The following PDPN variants were observed in gnomAD, a reference collection of about 807,000 sequenced individuals.
PDPN encodes the protein PA2.26 antigen.
In PDPN, 12 loss-of-function variants were observed where a neutral mutation model predicts 23.2. That is an observed-to-expected ratio of 0.52 (90% confidence interval 0.33 to 0.84). The LOEUF is 0.84. Ranked by LOEUF, PDPN falls within the 40% of genes least tolerant of loss-of-function variation. The pLI, the probability that PDPN is intolerant of heterozygous loss-of-function variation, is 0.02. For missense variants in PDPN, 199 were observed against 212.2 expected (o/e 0.94, Z 0.39); for synonymous variants, 77 against 76.7 (o/e 1.00, Z -0.02).
At chr1:13,613,549 A>G in intron 3 of PDPN, 138 bp from the exon 4 acceptor site, 3 of 638,976 alleles carry the variant, frequency 4.7e-6, no homozygotes, top group Non-Finnish European at 8.4e-6. Flanking sequence ...AAATCCCTGG[A>G]TCCAATTTAT....
chr1:13,605,546 A>T (rs1640761774), intron 1 of PDPN, among the ~76,000 whole-genome samples: 1 of 152,214 alleles, frequency 6.6e-6, no homozygotes. Context: ...GTTGAAGAAG[A>T]GGATACTGCT....
At position 13,606,190 on chromosome 1, in the gene PDPN, G is replaced by A. The variant is rs374231702; in HGVS notation, c.68-983G>A. 2.3e-4 allele frequency among the ~76,000 whole-genome samples: 35 copies of A among 151,888 alleles called. No individual in the cohort carries two copies. The East Asian group carries it at 5.6e-3, about 24-fold the overall frequency. ...TTTTTAGTAGAGACAGAGTTTCACC[G>A]TGTTGGCCAGGCTGGTCTCAAATTC... On this transcript the variant is annotated intron_variant, in intron 1 of 5. Coordinates refer to ENST00000621990, the MANE Select transcript of PDPN (RefSeq NM_006474.5).
In PDPN at chr1:13,583,916, G is replaced by A; in HGVS notation, c.-118G>A. 5.0e-6 allele frequency: 8 copies of A among 1,612,256 alleles called. No individual in the cohort carries two copies. Among genetic ancestry groups the A allele is most frequent in the East Asian group, 4.5e-5 (2 of 44,870 alleles). On this transcript the variant is annotated 5_prime_UTR_variant, in exon 1 of 6. Transcript: ENST00000621990. Reference sequence around the variant, plus strand: ...CCGGGGCTCCTGCTCCCACCCCTCCGGCCCCCCCACCGTCGCGCTCCTCCA... The same window carrying A: ...CCGGGGCTCCTGCTCCCACCCCTCCAGCCCCCCCACCGTCGCGCTCCTCCA...
At chr1:13,590,071 A>G (rs1011894424) in intron 1 of PDPN, among the ~76,000 whole-genome samples, 1 of 151,954 alleles carries the variant, frequency 6.6e-6, no homozygotes, top group African/African-American at 2.4e-5. Flanking sequence ...CAAGTGATCC[A>G]CCCGCCTCAG....
At chr1:13,614,689 A>G (rs1641022826) in intron 5 of PDPN, among the ~76,000 whole-genome samples, 1 of 152,180 alleles carries the variant, frequency 6.6e-6, no homozygotes, top group Non-Finnish European at 1.5e-5. Flanking sequence ...TGAGAGGCTG[A>G]GGCAGGAGGT....
intron 1 of PDPN, among the ~76,000 whole-genome samples, chr1:13,602,195 G>A (rs375100080): frequency 6.6e-6 from 1 of 152,228 alleles, no homozygotes. Flanking sequence ...GGGTGTGGTG[G>A]TGGGCACCTG....
intron 1 of PDPN, among the ~76,000 whole-genome samples, chr1:13,595,056 G>A (rs1640457333): frequency 6.6e-6 from 1 of 151,624 alleles, no homozygotes; most frequent in African/African-American, 2.4e-5. Flanking sequence ...GCCACAGTTT[G>A]CACATTCTCC....
chr1:13,584,533 T>C (rs1159285400), intron 1 of PDPN, among the ~76,000 whole-genome samples: 2 of 152,210 alleles, frequency 1.3e-5, no homozygotes, highest in Admixed American at 1.3e-4. Context: ...CAGGAGGGCT[T>C]GGGCCAAGGG....
intron 4 of PDPN, 77 bp downstream of exon 4, chr1:13,613,802 A>G (rs1640995535): frequency 3.8e-6 from 3 of 781,414 alleles, no homozygotes; most frequent in Non-Finnish European, 6.8e-6. Flanking sequence ...GTTGAGACGA[A>G]TTGCGTTCTT....
chr1:13,612,200 G>A (rs1640952537), intron 3 of PDPN, among the ~76,000 whole-genome samples: 1 of 152,280 alleles, frequency 6.6e-6, no homozygotes, highest in South Asian at 2.1e-4. Flanking sequence ...GAGCCAAAAT[G>A]TCATTATAAG....
chr1:13,613,260 A>G (rs77361855), intron 3 of PDPN, among the ~76,000 whole-genome samples: 266 of 152,322 alleles, frequency 1.7e-3, no homozygotes, highest in Non-Finnish European at 3.2e-3. Flanking sequence ...AAACTAAAGT[A>G]TTAATCTCAA....
rs70984267 is a variant in PDPN, at chr1:13,599,373, CTTTTTTTT to C, written c.68-7777_68-7770del. Reference sequence around the variant, plus strand: ...TATCTTGATGTGTTCGAGAAGCTATCTTTTTTTTTTTTTTTTTTTTTTTTTTTTTTCAG... The same window carrying C: ...TATCTTGATGTGTTCGAGAAGCTATCTTTTTTTTTTTTTTTTTTTTTTCAG... On this transcript the variant is annotated intron_variant, in intron 1 of 5. Transcript: ENST00000621990. 3.5e-4 allele frequency among the ~76,000 whole-genome samples: 27 copies of C among 77,102 alleles called. 1 individual carries two copies. Among genetic ancestry groups the C allele is most frequent in the Middle Eastern group, 0.021 (2 of 96 alleles). The allele number at this position is 77,102 out of a possible 152,430, so 50.6% of individuals were successfully genotyped here.
chr1:13,610,357 C>T, intron 2 of PDPN, 30 bp from the exon 3 acceptor site: 1 of 1,597,828 alleles, frequency 6.3e-7, no homozygotes, highest in Non-Finnish European at 8.6e-7. Context: ...GGCTTTATTT[C>T]CTGTTTTTCC....
Position 13,607,492 on chromosome 1 carries a change from G to C in PDPN, c.201+186G>C, listed in dbSNP as rs180758305. On this transcript the variant is annotated intron_variant, in intron 2 of 5. Coordinates refer to ENST00000621990, the MANE Select transcript of PDPN (RefSeq NM_006474.5). ...AGTCCTCACTTAATGTTGTTGATAG[G>C]TTCTTGGAAACTGTGACTTGAAGCA... is the stretch of plus-strand genomic sequence containing the variant. Among the ~76,000 whole-genome samples, 22 of 152,298 alleles carry C rather than the reference G, an allele frequency of 1.4e-4. No individual in the cohort carries two copies. The East Asian group carries it at 4.1e-3, about 28-fold the overall frequency.
Position 13,616,079 on chromosome 1 carries a change from C to G in PDPN, c.*168C>G, listed in dbSNP as rs543008368. The G allele has an allele frequency of 2.8e-5, 18 of 649,990 alleles. No homozygotes were observed. In the Admixed American group the frequency reaches 4.2e-4, roughly 15 times the overall value. The allele number at this position is 649,990 out of a possible 1,614,324, so 40.3% of individuals were successfully genotyped here. ...TTGCCAAAATAACCGAAGGAAAGAC[C>G]GTTCACCAGACTTGGCTCCTCTAAA... is the stretch of plus-strand genomic sequence containing the variant. On this transcript the variant is annotated 3_prime_UTR_variant, in exon 6 of 6. Transcript: ENST00000621990.
At chr1:13,615,289 T>C (rs563800603) in intron 5 of PDPN, among the ~76,000 whole-genome samples, 6 of 114,114 alleles carry the variant, frequency 5.3e-5, no homozygotes, top group African/African-American at 2.5e-4. Context: ...TCTCTTTCTT[T>C]TTCTTTTTCT....
intron 5 of PDPN, among the ~76,000 whole-genome samples, chr1:13,615,518 C>CCT (rs1165270063): frequency 6.6e-6 from 1 of 152,078 alleles, no homozygotes; most frequent in East Asian, 1.9e-4. Context: ...AATCTCCTGA[C>CCT]CTCGTGATCC....
At chr1:13,586,038 C>T (rs1246308483) in intron 1 of PDPN, among the ~76,000 whole-genome samples, 1 of 152,158 alleles carries the variant, frequency 6.6e-6, no homozygotes, top group Non-Finnish European at 1.5e-5. Flanking sequence ...GGTCTGTTGT[C>T]CACACATCTG....
chr1:13,610,159 G>C (rs897657204), intron 2 of PDPN, among the ~76,000 whole-genome samples: 1 of 152,162 alleles, frequency 6.6e-6, no homozygotes, highest in Non-Finnish European at 1.5e-5. Flanking sequence ...GTCTGCAGAC[G>C]CTTGGGTTGC....
Sources: gnomAD v4.1 joint callset for allele counts (sites outside exome capture counted in the v4.1 genomes callset) on GRCh38, gnomAD v4.1.1 for gene constraint, MANE v1.5 for transcripts, NCBI Gene and HGNC (gene_info 2026-07-23, HGNC 2026-07-21) for gene names.